MUC20: variants seen among roughly 807,000 people sequenced by gnomAD.
MUC20 encodes mucin-20.
Under a neutral mutation model 23.8 loss-of-function variants are expected in MUC20, and 14 were observed. That is an observed-to-expected ratio of 0.59 (90% confidence interval 0.39 to 0.92). MUC20 has a LOEUF of 0.92. Among genes scored for constraint, MUC20 ranks in the 40% least tolerant of loss-of-function variants. The pLI is 0.00. For missense variants in MUC20, 375 were observed against 668.8 expected (o/e 0.56, Z 4.85); for synonymous variants, 166 against 279.3 (o/e 0.59, Z 4.04).
chr3:195,733,053 G>T, intron 3 of MUC20, 97 bp from the exon 4 acceptor site: 1 of 1,342,214 alleles, frequency 7.5e-7, no homozygotes. Context: ...GCCGTCCTCC[G>T]CATGCACTCT....
In MUC20 at chr3:195,729,690, C is replaced by G. The variant is rs3762739; in HGVS notation, c.2012C>G (p.Ser671Cys). 0.18 allele frequency: 271,131 copies of G among 1,512,524 alleles called. 144 individuals are homozygous for G. Among genetic ancestry groups the G allele is most frequent in the East Asian group, 0.42 (17,396 of 41,780 alleles). 93.7% of individuals were successfully genotyped at this position (1,512,524 alleles called of 1,614,324 possible). A position where few individuals can be genotyped will look rare whatever the true frequency, so the allele number is the denominator to read the frequency against. Residue 671 changes from serine to cysteine, a missense_variant, in exon 3 of 4, where the codon TCC becomes TGC. Transcript: ENST00000447234. ...CTCCTCCTGCGGCTGAGTGTGGCTTCCCCGGAAGACCTCACTGACCCCAGA... is the reference window on the plus strand; with the variant it reads ...CTCCTCCTGCGGCTGAGTGTGGCTTGCCCGGAAGACCTCACTGACCCCAGA... ...GFLLLRLSVA[S>C]PEDLTDPRVA...
At chr3:195,733,113 A>G in intron 3 of MUC20, 37 bp from the exon 4 acceptor site, 1 of 1,562,274 alleles carries the variant, frequency 6.4e-7, no homozygotes, top group South Asian at 1.2e-5. Context: ...CATGGGCCAG[A>G]TGGGCTGAAA....
At chr3:195,728,735 A>G (rs1713025896) in intron 2 of MUC20, among the ~76,000 whole-genome samples, 1 of 92,922 alleles carries the variant, frequency 1.1e-5, no homozygotes. Flanking sequence ...GCCATATTTC[A>G]GACTATACAT....
intron 3 of MUC20, chr3:195,730,088 G>A (rs17838896): frequency 0.085 from 17,105 of 202,118 alleles, 200 homozygotes; most frequent in Middle Eastern, 0.19. Context: ...CCCAAGTCAG[G>A]GCAGTTTATG....
chr3:195,729,593 G>A, intron 2 of MUC20, 55 bp from the exon 3 acceptor site: 2 of 1,497,598 alleles, frequency 1.3e-6, no homozygotes, highest in Non-Finnish European at 1.8e-6. Context: ...TGGGATGACA[G>A]GTGTGAGCCA....
Position 195,733,199 on chromosome 3 carries a change from T to C in MUC20, c.2111T>C (p.Leu704Pro), listed in dbSNP as rs1235404412. The change falls in exon 4 of 4, where the codon CTG (leucine) becomes CCG (proline). Residue 704 changes from leucine (L) to proline (P), a missense_variant. Around this residue, in one of 4 missense-constraint regions of MUC20, gnomAD observed 343 missense variants for 340.2 expected, o/e 1.01. Transcript: ENST00000447234. The stretch of plus-strand genomic sequence containing the variant: ...GCGCCTCACTTCCAGGTCTCCTTAC[T>C]GCGTGTCAGGAGAGGCTAACGGACA... Reference protein sequence around the residue: ...AHAPHFQVSLLRVRRG With the variant: ...AHAPHFQVSLPRVRRG 6.3e-7 allele frequency: 1 copy of C among 1,594,372 alleles called. No homozygotes were observed. The highest frequency in any genetic ancestry group is 1.3e-5 in the African/African-American group (1 of 74,726).
At chr3:195,728,329 G>A (rs528920577) in intron 2 of MUC20, among the ~76,000 whole-genome samples, 5 of 152,398 alleles carry the variant, frequency 3.3e-5, no homozygotes, top group Admixed American at 2.0e-4. Context: ...TAGGAGAGCA[G>A]GGTGATAATA....
At chr3:195,730,982 C>T (rs2550295) in intron 3 of MUC20, among the ~76,000 whole-genome samples, 58,804 of 149,628 alleles carry the variant, frequency 0.39, 7,735 homozygotes, top group East Asian at 0.73. Context: ...GGCCTGGCCT[C>T]ACTGAGGGGT....
In MUC20 at chr3:195,728,316, TA is replaced by T. The variant is rs761508886; in HGVS notation, c.1970-1331del. Among the ~76,000 whole-genome samples the T allele has an allele frequency of 2.0e-4, 30 of 152,376 alleles. No homozygotes were observed. The East Asian group carries it at 3.1e-3, about 16-fold the overall frequency. ...TTCATTATTTTAGCAAAAAGGAATG[TA>T]GTAGGAGAGCAGGGTGATAATAAGG... On this transcript the variant is annotated intron_variant, in intron 2 of 3. Transcript: ENST00000447234.
rs1713609874 is a variant in MUC20 at position 195,733,465 on chromosome 3, G to A, written c.*247G>A. 1 of 1,411,724 alleles carries A rather than the reference G, an allele frequency of 7.1e-7. No individual in the cohort carries two copies. Among genetic ancestry groups the A allele is most frequent in the Non-Finnish European group, 9.2e-7 (1 of 1,087,356 alleles). The allele number at this position is 1,411,724 out of a possible 1,614,324, so 87.4% of individuals were successfully genotyped here. A position where few individuals can be genotyped will look rare whatever the true frequency, so the allele number is the denominator to read the frequency against. On this transcript the variant is annotated 3_prime_UTR_variant, in exon 4 of 4. Coordinates refer to ENST00000447234, the MANE Select transcript of MUC20 (RefSeq NM_001282506.2). ...CAGAGGTGTCCTTGGACTCACCTTGGCACATGTTCTGTGTTTCAGTAAAGA... is the reference window on the plus strand; with the variant it reads ...CAGAGGTGTCCTTGGACTCACCTTGACACATGTTCTGTGTTTCAGTAAAGA...
At chr3:195,727,112 A>C (rs1418463518) in intron 2 of MUC20, among the ~76,000 whole-genome samples, 1 of 152,278 alleles carries the variant, frequency 6.6e-6, no homozygotes, top group African/African-American at 2.4e-5. Context: ...AAAATAAATT[A>C]ATACAGGCCT....
intron 3 of MUC20, among the ~76,000 whole-genome samples, chr3:195,730,883 A>G (rs1191762649): frequency 1.3e-5 from 2 of 152,242 alleles, no homozygotes; most frequent in Non-Finnish European, 2.9e-5. Flanking sequence ...AGAACTTCCA[A>G]TGGTAAAGTT....
At chr3:195,721,187 G>A (rs1334958897) in intron 1 of MUC20, 104 bp downstream of exon 1, 11 of 1,401,804 alleles carry the variant, frequency 7.8e-6, no homozygotes, top group Non-Finnish European at 1.0e-5. Flanking sequence ...GCTCTCTCGG[G>A]TTGATTATAA....
Position 195,733,239 on chromosome 3 carries a change from G to A in MUC20, c.*21G>A, listed in dbSNP as rs1012863169. On this transcript the variant is annotated 3_prime_UTR_variant, in exon 4 of 4. Coordinates refer to ENST00000447234, the MANE Select transcript of MUC20 (RefSeq NM_001282506.2). ...GCTAACGGACATCAGCTGCAGCCAGGCATGTCCCGTATGCCAAAAGAGGGT... is the reference window on the plus strand; with the variant it reads ...GCTAACGGACATCAGCTGCAGCCAGACATGTCCCGTATGCCAAAAGAGGGT... 15 of 1,575,448 alleles carry A rather than the reference G, an allele frequency of 9.5e-6. No individual in the cohort carries two copies. The highest frequency in any genetic ancestry group is 3.7e-5 in the Admixed American group (2 of 54,198).
chr3:195,730,540 C>T (rs113805040), intron 3 of MUC20, among the ~76,000 whole-genome samples: 12 of 151,826 alleles, frequency 7.9e-5, no homozygotes, highest in Non-Finnish European at 1.2e-4. Context: ...TTAGTAGAGA[C>T]GGGGTTTCAC....
chr3:195,726,038 G>A lies in MUC20; in HGVS notation c.1435G>A (p.Glu479Lys), dbSNP rs200670251. 147 of 1,613,756 alleles carry A rather than the reference G, an allele frequency of 9.1e-5. No homozygotes were observed. The highest frequency in any genetic ancestry group is 4.2e-4 in the Admixed American group (25 of 59,974). The change falls in exon 2 of 4, where the codon GAG becomes AAG. Residue 479 changes from glutamate to lysine, a missense_variant. By Grantham distance (56) the Glu-to-Lys change is moderately conservative. This residue lies in a region of MUC20 where 343 missense variants were observed against 340.2 expected (regional missense o/e 1.01). Transcript: ENST00000447234. Reference sequence around the variant, plus strand: ...CATCACTGAGGTCACAGCCTCTGCCGAGACCCTGTCCACAGCCGGCACCAC... The same window carrying A: ...CATCACTGAGGTCACAGCCTCTGCCAAGACCCTGTCCACAGCCGGCACCAC... ...PHITEVTASA[E>K]TLSTAGTTES...
chr3:195,731,428 T>A (rs1253565946), intron 3 of MUC20, among the ~76,000 whole-genome samples: 1 of 152,216 alleles, frequency 6.6e-6, no homozygotes, highest in Non-Finnish European at 1.5e-5. Flanking sequence ...AAAGAAAACC[T>A]CTGTCTGTCG....
Position 195,726,439 on chromosome 3 carries a change from G to A in MUC20, c.1836G>A (p.Pro612=), listed in dbSNP as rs9758494. ...GGGACCCTCTTCCTTCTGTCCCTCCGACTACAACCAACAGCAGCCGAGGGA... is the reference window on the plus strand; with the variant it reads ...GGGACCCTCTTCCTTCTGTCCCTCCAACTACAACCAACAGCAGCCGAGGGA... ...TSRDPLPSVP[P]TTTNSSRGTN... The change falls in exon 2 of 4, where the codon CCG becomes CCA. Residue 612 remains proline, a synonymous_variant. Transcript: ENST00000447234. 0.094 allele frequency: 145,596 copies of A among 1,553,234 alleles called. 198 individuals are homozygous for A. The highest frequency in any genetic ancestry group is 0.2 in the Middle Eastern group (1,119 of 5,732).
At chr3:195,732,570 G>A (rs1560188867) in intron 3 of MUC20, among the ~76,000 whole-genome samples, 1 of 152,172 alleles carries the variant, frequency 6.6e-6, no homozygotes, top group Non-Finnish European at 1.5e-5. Flanking sequence ...ATGTTGGTCA[G>A]GCTGGTCTCG....
Sources: allele counts gnomAD v4.1 joint callset (sites outside exome capture counted in the v4.1 genomes callset), GRCh38; gene constraint gnomAD v4.1.1; regional missense constraint gnomAD v4.1.1; transcripts MANE v1.5; gene names NCBI Gene and HGNC (gene_info 2026-07-23, HGNC 2026-07-21).